Variants in TRPC7 observed in about 807,000 individuals in gnomAD.
TRPC7 encodes short transient receptor potential channel 7.
Under a neutral mutation model 90.1 loss-of-function variants are expected in TRPC7, and 42 were observed. The observed-to-expected ratio is 0.47, with a 90% CI of 0.36 to 0.60. TRPC7 has a LOEUF of 0.60. Among genes scored for constraint, TRPC7 ranks in the 20% least tolerant of loss-of-function variants. TRPC7 has a pLI of 0.00. For synonymous variants in TRPC7, 451 were observed against 436.3 expected (o/e 1.03, Z -0.42); for missense variants, 955 against 1,112.3 (o/e 0.86, Z 2.01).
chr5:136,316,551 C>T (rs558981152), intron 2 of TRPC7, among the ~76,000 whole-genome samples: 13 of 152,248 alleles, frequency 8.5e-5, no homozygotes, highest in African/African-American at 2.6e-4. Context: ...GTTGTTGTTT[C>T]GTATTTTTAA....
chr5:136,287,860 G>C (rs1207385994), intron 3 of TRPC7, among the ~76,000 whole-genome samples: 1 of 152,014 alleles, frequency 6.6e-6, no homozygotes, highest in Non-Finnish European at 1.5e-5. Flanking sequence ...CCCTCCTTTA[G>C]GTACACAAGT....
intron 3 of TRPC7, among the ~76,000 whole-genome samples, chr5:136,304,317 T>G (rs2149833359): frequency 6.6e-6 from 1 of 152,140 alleles, no homozygotes; most frequent in South Asian, 2.1e-4. Context: ...CCCACAGCAC[T>G]CTTTAAAAGG....
chr5:136,321,009 C>T (rs1004955286), intron 2 of TRPC7, among the ~76,000 whole-genome samples: 3 of 152,064 alleles, frequency 2.0e-5, no homozygotes, highest in Admixed American at 6.5e-5. Flanking sequence ...TTTTCTGTGT[C>T]ATTCACAAAT....
chr5:136,222,501 T>C (rs1247260230), intron 10 of TRPC7, among the ~76,000 whole-genome samples: 1 of 152,162 alleles, frequency 6.6e-6, no homozygotes, highest in Non-Finnish European at 1.5e-5. Context: ...TGGAAGCTGC[T>C]GTGGGAGGAA....
chr5:136,346,360 T>C (rs747873115), intron 2 of TRPC7, among the ~76,000 whole-genome samples: 6 of 152,332 alleles, frequency 3.9e-5, no homozygotes, highest in Non-Finnish European at 7.4e-5. Context: ...TTACTTTTAT[T>C]ATCCCCAAAC....
intron 2 of TRPC7, among the ~76,000 whole-genome samples, chr5:136,350,610 AAAAC>A (rs1760163680): frequency 6.6e-6 from 1 of 152,224 alleles, no homozygotes; most frequent in African/African-American, 2.4e-5. Context: ...AAAATAGAAA[AAAAC>A]AAAGCTAACA....
At chr5:136,238,586 G>T (rs956975009) in intron 7 of TRPC7, among the ~76,000 whole-genome samples, 4 of 148,664 alleles carry the variant, frequency 2.7e-5, no homozygotes, top group Non-Finnish European at 5.9e-5. Flanking sequence ...TCCTAGAACT[G>T]AATTTTAGTG....
chr5:136,266,567 C>G, intron 4 of TRPC7, 131 bp from the exon 5 acceptor site: 1 of 779,966 alleles, frequency 1.3e-6, no homozygotes, highest in Non-Finnish European at 2.0e-6. Flanking sequence ...TAACTGAACC[C>G]ATACAACATT....
At chr5:136,279,356 G>T (rs1448233741) in intron 3 of TRPC7, among the ~76,000 whole-genome samples, 1 of 152,194 alleles carries the variant, frequency 6.6e-6, no homozygotes, top group Non-Finnish European at 1.5e-5. Context: ...CAGTCTCAGG[G>T]TGCAGGCACC....
intron 2 of TRPC7, 129 bp from the exon 3 acceptor site, chr5:136,315,908 G>T (rs1759006815): frequency 5.6e-6 from 5 of 900,456 alleles, no homozygotes; most frequent in Admixed American, 2.5e-5. Context: ...ATGCACTTAT[G>T]GAACGCAGCA....
intron 3 of TRPC7, among the ~76,000 whole-genome samples, chr5:136,312,343 C>T (rs766140157): frequency 1.3e-5 from 2 of 152,116 alleles, no homozygotes; most frequent in African/African-American, 4.8e-5. Flanking sequence ...AACAAAGGAC[C>T]AGCTAGGGAA....
At position 136,365,524 on chromosome 5, in the gene TRPC7, G is replaced by A. The variant is rs1760697089; in HGVS notation, c.-270C>T. 2 of 559,080 alleles carry A rather than the reference G, an allele frequency of 3.6e-6. No homozygotes were observed. Among genetic ancestry groups the A allele is most frequent in the African/African-American group, 3.7e-5 (2 of 53,368 alleles). The allele number at this position is 559,080 out of a possible 1,614,324, so 34.6% of individuals were successfully genotyped here. On this transcript the variant is annotated 5_prime_UTR_variant, in exon 1 of 12. Coordinates refer to ENST00000513104, the MANE Select transcript of TRPC7 (RefSeq NM_020389.3). ...GGGGAAATTTCCCAGAGAACATGACGGAGAAGCATCTGTGTGAGAGTGGCA... is the reference window on the plus strand; with the variant it reads ...GGGGAAATTTCCCAGAGAACATGACAGAGAAGCATCTGTGTGAGAGTGGCA...
At chr5:136,330,658 C>A (rs576510653) in intron 2 of TRPC7, among the ~76,000 whole-genome samples, 35 of 152,326 alleles carry the variant, frequency 2.3e-4, no homozygotes, top group Admixed American at 5.9e-4. Context: ...TAAAGCAATA[C>A]CCTGTGTTTA....
rs750537016 is a variant in TRPC7, at chr5:136,252,003, C to T, written c.1346-121G>A. 1,538 of 762,514 alleles carry T rather than the reference C, an allele frequency of 2.0e-3. 4 individuals carry two copies. Among genetic ancestry groups the T allele is most frequent in the Non-Finnish European group, 3.0e-3 (1,388 of 463,348 alleles). The allele number at this position is 762,514 out of a possible 1,614,324, so 47.2% of individuals were successfully genotyped here. ...ATCAGCTCTTTGGAGCTGGGACCGT[C>T]GATAGCCAGAGGCAGACAGAAACGT... On this transcript the variant is annotated intron_variant, in intron 5 of 11. Transcript: ENST00000513104.
At chr5:136,310,691 C>G (rs1758797566) in intron 3 of TRPC7, among the ~76,000 whole-genome samples, 1 of 152,146 alleles carries the variant, frequency 6.6e-6, no homozygotes, top group African/African-American at 2.4e-5. Context: ...TGAAAGAGGT[C>G]ACAGGTGTGA....
At chr5:136,232,863 C>CT (rs147123260) in intron 7 of TRPC7, among the ~76,000 whole-genome samples, 15 of 150,340 alleles carry the variant, frequency 1.0e-4, no homozygotes, top group Admixed American at 2.0e-4. Context: ...TAAGAAAGCA[C>CT]TTTTTTTTTT....
chr5:136,297,445 AT>A (rs755027073), intron 3 of TRPC7, among the ~76,000 whole-genome samples: 3 of 152,178 alleles, frequency 2.0e-5, no homozygotes, highest in African/African-American at 4.8e-5. Context: ...GCATAAAAAA[AT>A]GAATTCATTT....
chr5:136,242,952 G>A (rs1300123128), intron 7 of TRPC7, among the ~76,000 whole-genome samples: 1 of 152,168 alleles, frequency 6.6e-6, no homozygotes, highest in East Asian at 1.9e-4. Flanking sequence ...TTTTCTTCTA[G>A]CCTCTTCATT....
chr5:136,365,223 C>G (rs1245902341), intron 1 of TRPC7, 30 bp downstream of exon 1: 1 of 1,528,342 alleles, frequency 6.5e-7, no homozygotes, highest in Non-Finnish European at 8.8e-7. Context: ...AAAAAAAAAT[C>G]AATATGAAAG....
Sources: allele counts gnomAD v4.1 joint callset (sites outside exome capture counted in the v4.1 genomes callset), GRCh38; gene constraint gnomAD v4.1.1; transcripts MANE v1.5; gene names NCBI Gene and HGNC (gene_info 2026-07-23, HGNC 2026-07-21).